CDKAL1: variants seen among roughly 807,000 people sequenced by gnomAD.
The protein encoded by CDKAL1 is threonylcarbamoyladenosine tRNA methylthiotransferase.
CDKAL1 carries 32 observed loss-of-function variants against 68.2 expected under a neutral mutation model. That is an observed-to-expected ratio of 0.47 (90% CI 0.35 to 0.63). The LOEUF (loss-of-function observed/expected upper bound fraction) is 0.63. Ranked by LOEUF, CDKAL1 falls within the 30% of genes least tolerant of loss-of-function variation. The pLI is 0.00. For synonymous variants in CDKAL1, 234 were observed against 244.3 expected, an observed-to-expected ratio of 0.96 and a Z score of 0.39; for missense variants, 606 against 696.7, an observed-to-expected ratio of 0.87 and a Z score of 1.47.
chr6:20,618,719 C>T (rs1324273170), intron 4 of CDKAL1, among the ~76,000 whole-genome samples: 2 of 151,892 alleles, frequency 1.3e-5, no homozygotes, highest in Non-Finnish European at 2.9e-5. Flanking sequence ...TGCTCTGTCA[C>T]CCAGGCTGGA....
chr6:20,713,202 C>G (rs1048186227), intron 5 of CDKAL1, among the ~76,000 whole-genome samples: 1 of 152,184 alleles, frequency 6.6e-6, no homozygotes, highest in South Asian at 2.1e-4. Context: ...TCTGCCATAT[C>G]TTTACTTGCA....
At chr6:21,033,736 G>A (rs974889339) in intron 11 of CDKAL1, among the ~76,000 whole-genome samples, 1 of 152,170 alleles carries the variant, frequency 6.6e-6, no homozygotes, top group East Asian at 1.9e-4. Context: ...GATGTGCTTT[G>A]TGAAAGTAGT....
intron 13 of CDKAL1, among the ~76,000 whole-genome samples, chr6:21,148,610 T>G (rs1195644561): frequency 1.3e-5 from 2 of 152,140 alleles, no homozygotes; most frequent in African/African-American, 4.8e-5. Flanking sequence ...ATTACAGATT[T>G]TTCTGGATAT....
intron 13 of CDKAL1, among the ~76,000 whole-genome samples, chr6:21,138,941 C>T (rs1775759104): frequency 1.3e-5 from 2 of 152,138 alleles, no homozygotes; most frequent in Admixed American, 6.5e-5. Flanking sequence ...ATGGACTCGG[C>T]GACCTCGCAC....
chr6:20,824,859 A>G (rs187343440), intron 8 of CDKAL1, among the ~76,000 whole-genome samples: 46 of 152,310 alleles, frequency 3.0e-4, no homozygotes, highest in African/African-American at 1.0e-3. Context: ...AGCTATCTGT[A>G]TAGAAGTGCT....
intron 13 of CDKAL1, among the ~76,000 whole-genome samples, chr6:21,144,194 A>G (rs1198691452): frequency 3.9e-5 from 6 of 152,298 alleles, no homozygotes; most frequent in African/African-American, 1.2e-4. Context: ...ATAACTCTCA[A>G]ACAAGTTATT....
At chr6:20,780,670 CTTTTTTTTTT>C (rs1223553462) in intron 7 of CDKAL1, among the ~76,000 whole-genome samples, 6 of 38,180 alleles carry the variant, frequency 1.6e-4, no homozygotes, top group African/African-American at 3.0e-4. Context: ...ATTTCTTTTT[CTTTTTTTTTT>C]TTTTTTTTTT....
rs1764735257 is a variant in CDKAL1, at chr6:20,955,506, A to G, written c.830A>G (p.Lys277Arg). The G allele has an allele frequency of 6.2e-7, 1 of 1,614,014 alleles. No homozygotes were observed. The highest frequency in any genetic ancestry group is 1.7e-5 in the Admixed American group (1 of 60,002). The change falls in exon 10 of 16, where the codon AAA becomes AGA. Residue 277 changes from lysine (K) to arginine (R), a missense_variant. Lys to Arg is a conservative substitution (Grantham distance 26, BLOSUM62 2). Coordinates refer to ENST00000274695, the MANE Select transcript of CDKAL1 (RefSeq NM_017774.3). ...IGTNLPTLLW[K>R]LVEVIPEGAM... ...ACCAATCTCCCCACACTCCTGTGGA[A>G]ACTGGTTGAAGTGATTCCTGAGGGA...
chr6:21,032,829 C>A (rs1009445066), intron 11 of CDKAL1, among the ~76,000 whole-genome samples: 3 of 152,168 alleles, frequency 2.0e-5, no homozygotes, highest in African/African-American at 7.2e-5. Context: ...CACCTAATGA[C>A]ACCTGTCTCA....
intron 11 of CDKAL1, among the ~76,000 whole-genome samples, chr6:21,015,882 A>T (rs1768298782): frequency 6.6e-6 from 1 of 150,720 alleles, no homozygotes; most frequent in South Asian, 2.1e-4. Flanking sequence ...CAGGAGCTGG[A>T]GGCTGCAGTG....
At chr6:21,190,495 G>A (rs1778191057) in intron 13 of CDKAL1, among the ~76,000 whole-genome samples, 1 of 152,050 alleles carries the variant, frequency 6.6e-6, no homozygotes, top group Non-Finnish European at 1.5e-5. Context: ...AGCCTCCCGA[G>A]TAGCTGGGAT....
Position 21,230,742 on chromosome 6 carries a change from A to G in CDKAL1, c.1549-106A>G, listed in dbSNP as rs76916513. ...TGTTCAAACGTGTCTCTGTTGAAGG[A>G]GTACATAAAAGGCGGCACCTTCTGG... On this transcript the variant is annotated intron_variant, in intron 15 of 15. Transcript: ENST00000274695. The G allele has an allele frequency of 2.6e-3, 2,149 of 816,356 alleles. 62 individuals carry two copies. In the East Asian group the frequency reaches 0.045, roughly 17 times the overall value. 50.6% of individuals were successfully genotyped at this position (816,356 alleles called of 1,614,324 possible). A position where few individuals can be genotyped will look rare whatever the true frequency, so the allele number is the denominator to read the frequency against.
chr6:20,760,660 G>A (rs1347615931), intron 7 of CDKAL1, among the ~76,000 whole-genome samples: 1 of 152,220 alleles, frequency 6.6e-6, no homozygotes, highest in Non-Finnish European at 1.5e-5. Context: ...CTCTCTCACA[G>A]TTGAGATTCA....
At chr6:20,544,965 TTGTG>T (rs70990042) in intron 2 of CDKAL1, among the ~76,000 whole-genome samples, 50,041 of 149,278 alleles carry the variant, frequency 0.34, 8,485 homozygotes, top group Middle Eastern at 0.43. Flanking sequence ...GATTACAGTT[TTGTG>T]TGTGTGTGTG....
chr6:21,077,101 T>C (rs1232179103), intron 12 of CDKAL1, among the ~76,000 whole-genome samples: 1 of 151,636 alleles, frequency 6.6e-6, no homozygotes, highest in Non-Finnish European at 1.5e-5. Flanking sequence ...TCTTTGATTT[T>C]TCTATTAGAC....
intron 12 of CDKAL1, among the ~76,000 whole-genome samples, chr6:21,071,947 A>C (rs1325383602): frequency 6.6e-6 from 1 of 152,170 alleles, no homozygotes; most frequent in Non-Finnish European, 1.5e-5. Context: ...CATAGTGTGA[A>C]TACTTCCACT....
intron 13 of CDKAL1, among the ~76,000 whole-genome samples, chr6:21,176,694 T>G (rs1008400199): frequency 5.2e-5 from 7 of 133,708 alleles, no homozygotes; most frequent in African/African-American, 1.4e-4. Context: ...TTTTTTTTTT[T>G]TGTTTTTTTT....
At chr6:20,994,353 C>G (rs1766994389) in intron 10 of CDKAL1, among the ~76,000 whole-genome samples, 1 of 152,156 alleles carries the variant, frequency 6.6e-6, no homozygotes, top group Non-Finnish European at 1.5e-5. Flanking sequence ...GTGGCAGGCA[C>G]CTGTAATCCC....
rs376123671 is a variant in CDKAL1, at chr6:20,891,277, T to C, written c.742+45099T>C. 1.4e-4 allele frequency among the ~76,000 whole-genome samples: 21 copies of C among 152,250 alleles called. No homozygotes were observed. In the East Asian group the frequency reaches 3.9e-3, roughly 28 times the overall value. On this transcript the variant is annotated intron_variant, in intron 9 of 15. Transcript: ENST00000274695. ...CTTCCTCTTCTTATCTCCTCACCAC[T>C]CTCTAGCACTAGTGGTCTTGAACTG...
Sources: gnomAD v4.1 joint callset for allele counts (sites outside exome capture counted in the v4.1 genomes callset) on GRCh38, gnomAD v4.1.1 for gene constraint, MANE v1.5 for transcripts, NCBI Gene and HGNC (gene_info 2026-07-23, HGNC 2026-07-21) for gene names.